DLG2: variants seen among roughly 807,000 people sequenced by gnomAD.
DLG2 encodes discs large MAGUK scaffold protein 2.
DLG2 carries 45 observed loss-of-function variants against 132.5 expected under a neutral mutation model. That is an observed-to-expected ratio of 0.34 (90% CI 0.27 to 0.44). DLG2 has a LOEUF of 0.44. DLG2 is among the 20% of genes least tolerant of loss of function. The pLI is 1.00. For synonymous variants in DLG2, 424 were observed against 419.6 expected (o/e 1.01, Z -0.13); for missense variants, 1,045 against 1,196.9 (o/e 0.87, Z 1.87).
intron 6 of DLG2, among the ~76,000 whole-genome samples, chr11:84,537,655 T>C (rs568070236): frequency 1.3e-5 from 2 of 152,310 alleles, no homozygotes; most frequent in East Asian, 1.9e-4. Flanking sequence ...ATTACAACTC[T>C]TGTCATGCTA....
intron 6 of DLG2, among the ~76,000 whole-genome samples, chr11:84,981,554 A>T (rs985155255): frequency 2.6e-5 from 4 of 152,114 alleles, no homozygotes; most frequent in Non-Finnish European, 4.4e-5. Context: ...GTTATGTGGG[A>T]TGACTCATTT....
intron 7 of DLG2, among the ~76,000 whole-genome samples, chr11:84,281,520 C>T (rs2097854752): frequency 6.6e-6 from 1 of 151,422 alleles, no homozygotes; most frequent in African/African-American, 2.4e-5. Flanking sequence ...ATACATGTGC[C>T]ATGCTGGTGT....
chr11:85,031,313 T>C (rs1205387226), intron 6 of DLG2, among the ~76,000 whole-genome samples: 4 of 152,110 alleles, frequency 2.6e-5, no homozygotes, highest in African/African-American at 9.7e-5. Context: ...TAATCTGTCA[T>C]TGGTTTTAGG....
At chr11:84,059,983 G>A (rs1208735830) in intron 10 of DLG2, among the ~76,000 whole-genome samples, 1 of 152,066 alleles carries the variant, frequency 6.6e-6, no homozygotes, top group Non-Finnish European at 1.5e-5. Context: ...ATATAAAAAG[G>A]TAGAAGAAAA....
intron 14 of DLG2, among the ~76,000 whole-genome samples, chr11:83,932,339 A>G (rs1221159723): frequency 4.6e-5 from 7 of 151,196 alleles, no homozygotes; most frequent in Admixed American, 4.0e-4. Context: ...GGTTCACGCC[A>G]TTCTCCTGCC....
At chr11:84,168,828 C>T (rs971382975) in intron 8 of DLG2, among the ~76,000 whole-genome samples, 16 of 145,980 alleles carry the variant, frequency 1.1e-4, no homozygotes, top group African/African-American at 4.1e-4. Context: ...CACACACATA[C>T]ACACACACAC....
intron 11 of DLG2, among the ~76,000 whole-genome samples, chr11:84,032,717 C>T (rs117486669): frequency 0.015 from 2,261 of 152,226 alleles, 23 homozygotes; most frequent in Non-Finnish European, 0.022. Flanking sequence ...TTAGGACTTT[C>T]GTAGCTAGAG....
intron 18 of DLG2, among the ~76,000 whole-genome samples, chr11:83,705,959 C>G (rs1021498056): frequency 6.6e-6 from 1 of 152,168 alleles, no homozygotes; most frequent in African/African-American, 2.4e-5. Flanking sequence ...TGGCTCACGC[C>G]TGTAATCCCA....
At chr11:85,307,874 G>C (rs1280615993) in intron 3 of DLG2, among the ~76,000 whole-genome samples, 1 of 152,154 alleles carries the variant, frequency 6.6e-6, no homozygotes, top group Non-Finnish European at 1.5e-5. Context: ...AAAACAAGAG[G>C]CTGGGCGCGG....
At chr11:84,939,019 A>T (rs1329179696) in intron 6 of DLG2, among the ~76,000 whole-genome samples, 1 of 152,190 alleles carries the variant, frequency 6.6e-6, no homozygotes, top group African/African-American at 2.4e-5. Context: ...TCAAAAGGAG[A>T]TAAATTAGAA....
intron 7 of DLG2, among the ~76,000 whole-genome samples, chr11:84,401,308 T>C (rs1432659866): frequency 6.6e-6 from 1 of 152,196 alleles, no homozygotes; most frequent in Non-Finnish European, 1.5e-5. Flanking sequence ...TTTTCCTGCA[T>C]GGAAAAGTAT....
At chr11:85,051,048 C>T (rs2062839134) in intron 6 of DLG2, among the ~76,000 whole-genome samples, 1 of 152,138 alleles carries the variant, frequency 6.6e-6, no homozygotes, top group Non-Finnish European at 1.5e-5. Flanking sequence ...ATTTCAAAGT[C>T]ATCAAGTCTG....
At chr11:84,834,650 G>A (rs1450110878) in intron 6 of DLG2, among the ~76,000 whole-genome samples, 1 of 151,478 alleles carries the variant, frequency 6.6e-6, no homozygotes, top group East Asian at 2.0e-4. Flanking sequence ...ACTGAATATG[G>A]AGTCTTTTTT....
At chr11:84,377,987 C>G (rs74873295) in intron 7 of DLG2, among the ~76,000 whole-genome samples, 208 of 152,262 alleles carry the variant, frequency 1.4e-3, no homozygotes, top group African/African-American at 4.7e-3. Flanking sequence ...CTACAGAGAG[C>G]TGAAAGCCCA....
At chr11:84,075,067 C>G (rs368998132) in intron 10 of DLG2, among the ~76,000 whole-genome samples, 1 of 152,084 alleles carries the variant, frequency 6.6e-6, no homozygotes, top group East Asian at 1.9e-4. Flanking sequence ...GGTACTTGTA[C>G]TTATTGTTTC....
At chr11:84,582,895 G>A (rs1432995311) in intron 6 of DLG2, among the ~76,000 whole-genome samples, 1 of 152,210 alleles carries the variant, frequency 6.6e-6, no homozygotes, top group Non-Finnish European at 1.5e-5. Context: ...GTTGCAGTAA[G>A]TAGTTCAGCT....
chr11:85,531,861 G>A (rs2075234957), intron 3 of DLG2, among the ~76,000 whole-genome samples: 1 of 152,122 alleles, frequency 6.6e-6, no homozygotes, highest in African/African-American at 2.4e-5. Flanking sequence ...ATAACCCTGT[G>A]AGAAAGATGC....
At chr11:85,388,973 C>G (rs530750974) in intron 3 of DLG2, among the ~76,000 whole-genome samples, 5 of 152,220 alleles carry the variant, frequency 3.3e-5, no homozygotes, top group African/African-American at 7.2e-5. Context: ...CACAATAGCT[C>G]ATCAGCAATG....
chr11:84,399,680 G>A (rs1290315809), intron 7 of DLG2, among the ~76,000 whole-genome samples: 1 of 152,146 alleles, frequency 6.6e-6, no homozygotes, highest in African/African-American at 2.4e-5. Context: ...GCCTCCCAAA[G>A]TATTGGGATT....
Sources: allele counts gnomAD v4.1 joint callset (sites outside exome capture counted in the v4.1 genomes callset), GRCh38; gene constraint gnomAD v4.1.1; transcripts MANE v1.5; gene names NCBI Gene and HGNC (gene_info 2026-07-23, HGNC 2026-07-21).